Variants in C12orf75 observed in about 807,000 individuals in gnomAD.
C12orf75 encodes the protein overexpressed in colon carcinoma 1 protein.
C12orf75 carries 4 observed loss-of-function variants against 11.4 expected under a neutral mutation model. The observed-to-expected ratio is 0.35, with a 90% CI of 0.17 to 0.80. The LOEUF (loss-of-function observed/expected upper bound fraction) is 0.80, where lower values mean the gene tolerates loss of function less well. Ranked by LOEUF, C12orf75 falls within the 30% of genes least tolerant of loss-of-function variation. The pLI is 0.52. For missense variants in C12orf75, 89 were observed against 80.4 expected (o/e 1.11, Z -0.41); for synonymous variants, 30 against 30.0 (o/e 1.00, Z 0.00).
intron 1 of C12orf75, among the ~76,000 whole-genome samples, chr12:105,344,333 C>T (rs746156958): frequency 4.6e-5 from 7 of 152,198 alleles, no homozygotes; most frequent in Admixed American, 2.0e-4. Flanking sequence ...CATCTGCCTT[C>T]TGATTCCACA....
intron 1 of C12orf75, among the ~76,000 whole-genome samples, chr12:105,345,543 GA>G (rs1892628514): frequency 1.3e-5 from 2 of 151,234 alleles, no homozygotes; most frequent in African/African-American, 4.9e-5. Context: ...ATATTTCTTT[GA>G]CATAAATTTT....
At chr12:105,358,807 A>G (rs1431476979) in intron 2 of C12orf75, among the ~76,000 whole-genome samples, 2 of 152,298 alleles carry the variant, frequency 1.3e-5, no homozygotes, top group East Asian at 3.9e-4. Context: ...AAATGGAATC[A>G]CTGCTCAGTA....
At chr12:105,333,439 T>C (rs758083474) in intron 1 of C12orf75, among the ~76,000 whole-genome samples, 28 of 152,176 alleles carry the variant, frequency 1.8e-4, no homozygotes, top group Non-Finnish European at 2.9e-4. Flanking sequence ...TAAAGAGATA[T>C]TGTCTTTCTC....
rs1212474184 is a variant in C12orf75 at position 105,331,355 on chromosome 12, G to T, written c.46+418G>T. Among the ~76,000 whole-genome samples the T allele has an allele frequency of 2.0e-5, 3 of 151,996 alleles. No homozygotes were observed. In the East Asian group the frequency reaches 5.8e-4, roughly 30 times the overall value. ...AAGGCGCTGCACCTGGAAAAGTGCA[G>T]CAGAGCAAGACAGGACTTTTCGGGC... On this transcript the variant is annotated intron_variant, in intron 1 of 5. Coordinates refer to ENST00000443585, the MANE Select transcript of C12orf75 (RefSeq NM_001145199.2).
At chr12:105,337,610 A>G (rs931472177) in intron 1 of C12orf75, among the ~76,000 whole-genome samples, 1 of 152,154 alleles carries the variant, frequency 6.6e-6, no homozygotes, top group African/African-American at 2.4e-5. Context: ...CTCTTGATCT[A>G]CCAAAATGTG....
At chr12:105,348,354 G>T (rs1181518225) in intron 1 of C12orf75, among the ~76,000 whole-genome samples, 1 of 150,270 alleles carries the variant, frequency 6.7e-6, no homozygotes, top group Non-Finnish European at 1.5e-5. Flanking sequence ...GGCAGAGGTT[G>T]CAGTGAGCCG....
chr12:105,361,018 C>T (rs915052188), intron 2 of C12orf75, among the ~76,000 whole-genome samples: 10 of 152,058 alleles, frequency 6.6e-5, no homozygotes, highest in Admixed American at 2.0e-4. Flanking sequence ...TCAGGTGATC[C>T]GCCTGTCTCG....
intron 1 of C12orf75, among the ~76,000 whole-genome samples, chr12:105,341,194 TG>T (rs1292603348): frequency 6.6e-6 from 1 of 152,254 alleles, no homozygotes; most frequent in African/African-American, 2.4e-5. Context: ...AAACACAGCA[TG>T]ATGCAATCTT....
chr12:105,331,050 TTC>T, intron 1 of C12orf75, 113 bp downstream of exon 1: 1 of 691,816 alleles, frequency 1.4e-6, no homozygotes, highest in Non-Finnish European at 2.0e-6. Context: ...CGTCCCCATT[TTC>T]GGGACAGGAG....
At chr12:105,343,360 T>C (rs907084287) in intron 1 of C12orf75, among the ~76,000 whole-genome samples, 1 of 152,206 alleles carries the variant, frequency 6.6e-6, no homozygotes, top group Non-Finnish European at 1.5e-5. Flanking sequence ...CATGAAGTGG[T>C]ATTAGGATGA....
At chr12:105,345,350 C>T (rs916755801) in intron 1 of C12orf75, among the ~76,000 whole-genome samples, 8 of 151,486 alleles carry the variant, frequency 5.3e-5, no homozygotes, top group East Asian at 2.0e-4. Flanking sequence ...ATAAGCCAGG[C>T]GTGGTGGTGC....
At chr12:105,369,150 C>T (rs988904225) in intron 5 of C12orf75, among the ~76,000 whole-genome samples, 1 of 152,210 alleles carries the variant, frequency 6.6e-6, no homozygotes, top group African/African-American at 2.4e-5. Context: ...CAACACAGAC[C>T]TAAGACGAAT....
chr12:105,344,165 G>T (rs1041614246), intron 1 of C12orf75, among the ~76,000 whole-genome samples: 1 of 152,212 alleles, frequency 6.6e-6, no homozygotes, highest in African/African-American at 2.4e-5. Flanking sequence ...TGCACAACAT[G>T]TGGCCATTTG....
Position 105,348,497 on chromosome 12 carries a change from C to A in C12orf75, c.47-105C>A, listed in dbSNP as rs1377385354. The A allele has an allele frequency of 4.4e-5, 29 of 652,294 alleles. 1 individual carries two copies. The East Asian group carries it at 8.5e-4, about 19-fold the overall frequency. 40.4% of individuals were successfully genotyped at this position (652,294 alleles called of 1,614,324 possible). The stretch of plus-strand genomic sequence containing the variant: ...TCTGTTTTTGAAAATTTTTTTAAAC[C>A]CATTTTCTCTTCAGGAATATTACTG... On this transcript the variant is annotated intron_variant, in intron 1 of 5. Transcript: ENST00000443585.
chr12:105,333,135 C>T (rs989718308), intron 1 of C12orf75, among the ~76,000 whole-genome samples: 2 of 152,190 alleles, frequency 1.3e-5, no homozygotes, highest in African/African-American at 4.8e-5. Context: ...ATTGCATCAC[C>T]TCTTTGATGG....
At chr12:105,349,614 G>T (rs919912619) in intron 2 of C12orf75, among the ~76,000 whole-genome samples, 5 of 152,174 alleles carry the variant, frequency 3.3e-5, no homozygotes, top group African/African-American at 1.2e-4. Flanking sequence ...GGTGGCGCAT[G>T]CCTGTAATCC....
chr12:105,354,734 G>A (rs943884303), intron 2 of C12orf75, among the ~76,000 whole-genome samples: 4 of 152,138 alleles, frequency 2.6e-5, no homozygotes, highest in African/African-American at 9.7e-5. Flanking sequence ...CCTTAGGTCG[G>A]ACCCTGTGAA....
chr12:105,356,175 C>T (rs1485369172), intron 2 of C12orf75, among the ~76,000 whole-genome samples: 1 of 152,090 alleles, frequency 6.6e-6, no homozygotes, highest in East Asian at 1.9e-4. Flanking sequence ...TTGAAACCAC[C>T]CCAAGGAGCA....
intron 2 of C12orf75, among the ~76,000 whole-genome samples, chr12:105,349,845 C>G (rs1487691758): frequency 2.0e-5 from 3 of 152,012 alleles, no homozygotes; most frequent in Non-Finnish European, 4.4e-5. Context: ...CCACTGCACT[C>G]CAGCCTGGGT....
Sources: allele counts gnomAD v4.1 joint callset (sites outside exome capture counted in the v4.1 genomes callset), GRCh38; gene constraint gnomAD v4.1.1; transcripts MANE v1.5; gene names NCBI Gene and HGNC (gene_info 2026-07-23, HGNC 2026-07-21).